The following XKR6 variants were observed in gnomAD, a reference collection of about 807,000 sequenced individuals.
XKR6 encodes the protein XK-related protein 6.
A neutral mutation model predicts 56.7 loss-of-function variants in XKR6; 22 were observed. The observed-to-expected ratio is 0.39, with a 90% CI of 0.28 to 0.55. XKR6 has a LOEUF of 0.55. Ranked by LOEUF, XKR6 falls within the 20% of genes least tolerant of loss-of-function variation. XKR6 has a pLI of 0.66. For synonymous variants in XKR6, 524 were observed against 387.8 expected, an observed-to-expected ratio of 1.35 and a Z score of -4.13; for missense variants, 852 against 889.0, an observed-to-expected ratio of 0.96 and a Z score of 0.53.
At chr8:10,905,655 TG>T (rs1244084513) in intron 2 of XKR6, among the ~76,000 whole-genome samples, 1 of 152,160 alleles carries the variant, frequency 6.6e-6, no homozygotes, top group Non-Finnish European at 1.5e-5. Context: ...CTTTCAACCC[TG>T]GCCCCCTCCC....
At chr8:10,899,564 A>G (rs1381002661) in intron 2 of XKR6, among the ~76,000 whole-genome samples, 2 of 151,592 alleles carry the variant, frequency 1.3e-5, no homozygotes, top group Non-Finnish European at 2.9e-5. Flanking sequence ...TCTCTCACCC[A>G]CTCTGGTCTT....
intron 1 of XKR6, among the ~76,000 whole-genome samples, chr8:11,119,851 C>T (rs1331246482): frequency 1.3e-5 from 2 of 152,190 alleles, no homozygotes; most frequent in Admixed American, 6.5e-5. Context: ...ATCAAGTGGG[C>T]TTCATCCCTG....
chr8:11,040,795 A>G (rs961012067), intron 1 of XKR6, among the ~76,000 whole-genome samples: 1 of 152,052 alleles, frequency 6.6e-6, no homozygotes, highest in Non-Finnish European at 1.5e-5. Flanking sequence ...ATGTCAACAC[A>G]TGCATTTGGG....
At chr8:11,083,098 C>G (rs935889074) in intron 1 of XKR6, among the ~76,000 whole-genome samples, 2 of 152,150 alleles carry the variant, frequency 1.3e-5, no homozygotes, top group African/African-American at 4.8e-5. Context: ...GGGGCTGCTG[C>G]AGAACTAGGC....
chr8:11,095,189 G>GT (rs1798228371), intron 1 of XKR6, among the ~76,000 whole-genome samples: 1 of 152,184 alleles, frequency 6.6e-6, no homozygotes, highest in African/African-American at 2.4e-5. Context: ...GTGCAAATAC[G>GT]TAAGTGGACA....
chr8:10,927,593 C>T (rs1800929539), intron 1 of XKR6, among the ~76,000 whole-genome samples: 1 of 152,168 alleles, frequency 6.6e-6, no homozygotes, highest in Admixed American at 6.5e-5. Flanking sequence ...CCCAGGTTTG[C>T]CCTACCAGGC....
At chr8:10,939,875 T>C (rs1331917724) in intron 1 of XKR6, among the ~76,000 whole-genome samples, 1 of 152,216 alleles carries the variant, frequency 6.6e-6, no homozygotes, top group Non-Finnish European at 1.5e-5. Context: ...CTGCTCTTCA[T>C]TGTGCATCTC....
intron 1 of XKR6, among the ~76,000 whole-genome samples, chr8:11,178,011 C>A (rs1190643210): frequency 6.6e-6 from 1 of 152,096 alleles, no homozygotes; most frequent in Non-Finnish European, 1.5e-5. Flanking sequence ...TCCCATCGCA[C>A]CTGGTTTACT....
intron 1 of XKR6, among the ~76,000 whole-genome samples, chr8:11,153,076 T>C (rs532722564): frequency 5.9e-5 from 9 of 152,240 alleles, no homozygotes; most frequent in African/African-American, 9.6e-5. Flanking sequence ...AATTAGATTA[T>C]TCCACATTAC....
At chr8:11,141,300 T>A (rs1330630778) in intron 1 of XKR6, among the ~76,000 whole-genome samples, 1 of 152,166 alleles carries the variant, frequency 6.6e-6, no homozygotes, top group Non-Finnish European at 1.5e-5. Flanking sequence ...ATTCCTATGT[T>A]GAAACACTAA....
chr8:10,943,627 A>G (rs7833435), intron 1 of XKR6, among the ~76,000 whole-genome samples: 82,277 of 152,002 alleles, frequency 0.54, 23,970 homozygotes, highest in African/African-American at 0.7. Flanking sequence ...CCATTTCTGT[A>G]CCAGGCACAA....
At chr8:10,918,919 C>G (rs915942112) in intron 2 of XKR6, among the ~76,000 whole-genome samples, 1 of 152,228 alleles carries the variant, frequency 6.6e-6, no homozygotes, top group African/African-American at 2.4e-5. Flanking sequence ...AACCTCACAC[C>G]TGGCCCACCA....
chr8:11,178,556 A>ATGTATATATATATATATG (rs1563197805), intron 1 of XKR6, among the ~76,000 whole-genome samples: 3 of 130,800 alleles, frequency 2.3e-5, no homozygotes, highest in Admixed American at 7.4e-5. Flanking sequence ...AAATATATAT[A>ATGTATATATATATATATG]TATATATATA....
At position 11,081,390 on chromosome 8, in the gene XKR6, G is replaced by A. The variant is rs189868501; in HGVS notation, c.764+119186C>T. Among the ~76,000 whole-genome samples, 6 of 152,272 alleles carry A rather than the reference G, an allele frequency of 3.9e-5. No individual in the cohort carries two copies. In the East Asian group the frequency reaches 9.6e-4, roughly 24 times the overall value. On this transcript the variant is annotated intron_variant, in intron 1 of 2. Coordinates refer to ENST00000416569, the MANE Select transcript of XKR6 (RefSeq NM_173683.4). ...TATCCCTTGATTAAGGTCTTAGCAC[G>A]GATGAGAATTTTATTGAAATGATTT...
rs201584557 is a variant in XKR6, at chr8:11,191,846, G to A, written c.764+8730C>T. Among the ~76,000 whole-genome samples the A allele has an allele frequency of 1.1e-4, 16 of 152,180 alleles. No homozygotes were observed. In the East Asian group the frequency reaches 2.9e-3, roughly 28 times the overall value. The stretch of plus-strand genomic sequence containing the variant: ...ACTAGGCAAATCTGAGTACAAAACA[G>A]CTATTAGATGATTTTACGAATTAAG... On this transcript the variant is annotated intron_variant, in intron 1 of 2. Transcript: ENST00000416569.
chr8:10,964,706 C>A (rs1267665492), intron 1 of XKR6, among the ~76,000 whole-genome samples: 1 of 152,212 alleles, frequency 6.6e-6, no homozygotes, highest in Non-Finnish European at 1.5e-5. Context: ...GCCTGCCCAC[C>A]CTGGAGTCAC....
In XKR6 at chr8:11,201,745, T is replaced by C. The variant is rs1403996204; in HGVS notation, c.-406A>G. The stretch of plus-strand genomic sequence containing the variant: ...GCCCGAGTGAGGCGGTCCAAAGTGA[T>C]CCCTGGAGGGGGCAGTGCCAGACGT... On this transcript the variant is annotated 5_prime_UTR_variant, in exon 1 of 3. Coordinates refer to ENST00000416569, the MANE Select transcript of XKR6 (RefSeq NM_173683.4). Among the ~76,000 whole-genome samples the C allele has an allele frequency of 2.0e-5, 3 of 152,308 alleles. No homozygotes were observed. The highest frequency in any genetic ancestry group is 7.2e-5 in the African/African-American group (3 of 41,576).
At chr8:11,004,611 A>T (rs1419905295) in intron 1 of XKR6, among the ~76,000 whole-genome samples, 2 of 152,244 alleles carry the variant, frequency 1.3e-5, no homozygotes, top group African/African-American at 4.8e-5. Flanking sequence ...GGTTAAACAA[A>T]ACTTGTTGCT....
At chr8:11,111,969 T>TAATTTTC (rs1013793136) in intron 1 of XKR6, 3 of 152,234 alleles carry the variant, frequency 2.0e-5, no homozygotes, top group Non-Finnish European at 4.4e-5. Flanking sequence ...ATTACTTTTA[T>TAATTTTC]AATTTTCAAA....
Sources: allele counts gnomAD v4.1 joint callset (sites outside exome capture counted in the v4.1 genomes callset), GRCh38; gene constraint gnomAD v4.1.1; transcripts MANE v1.5; gene names NCBI Gene and HGNC (gene_info 2026-07-23, HGNC 2026-07-21).